The following WASF1 variants were observed in gnomAD, a reference collection of about 807,000 sequenced individuals.
WASF1 encodes the protein actin-binding protein WASF1.
WASF1 carries 7 observed loss-of-function variants against 50.5 expected under a neutral mutation model. The ratio of observed to expected loss-of-function variants is 0.14; its 90% CI spans 0.08 to 0.26. The LOEUF is 0.26. Among genes scored for constraint, WASF1 ranks in the 10% least tolerant of loss-of-function variants. The pLI is 1.00. For missense variants in WASF1, 470 were observed against 694.7 expected (o/e 0.68, Z 3.64); for synonymous variants, 205 against 244.0 (o/e 0.84, Z 1.49).
intron 2 of WASF1, among the ~76,000 whole-genome samples, chr6:110,172,306 G>A (rs1776755270): frequency 6.6e-6 from 1 of 152,082 alleles, no homozygotes. Context: ...ATGACAGACT[G>A]GATTAAGCAA....
At chr6:110,133,205 C>T (rs1001468422) in intron 3 of WASF1, among the ~76,000 whole-genome samples, 2 of 152,034 alleles carry the variant, frequency 1.3e-5, no homozygotes, top group Non-Finnish European at 2.9e-5. Flanking sequence ...TATATACATA[C>T]TACATACATC....
rs568655940 is a variant in WASF1 at position 110,110,895 on chromosome 6, A to G, written c.269-2214T>C. 1.1e-4 allele frequency among the ~76,000 whole-genome samples: 16 copies of G among 152,196 alleles called. No homozygotes were observed. In the East Asian group the frequency reaches 2.9e-3, roughly 28 times the overall value. ...AAACTCCTTCAATACAACCTCTCCA[A>G]AACAATTTCAAATTAAGTAGTTCAG... On this transcript the variant is annotated intron_variant, in intron 5 of 10. Transcript: ENST00000392589.
intron 3 of WASF1, among the ~76,000 whole-genome samples, 179 bp from the exon 4 acceptor site, chr6:110,127,808 C>G (rs1371225071): frequency 6.6e-6 from 1 of 152,094 alleles, no homozygotes; most frequent in Non-Finnish European, 1.5e-5. Context: ...GCAGGACAAA[C>G]CCCTCCTCTT....
intron 3 of WASF1, among the ~76,000 whole-genome samples, chr6:110,149,752 G>A (rs985433218): frequency 6.6e-6 from 1 of 151,884 alleles, no homozygotes; most frequent in East Asian, 1.9e-4. Flanking sequence ...AAGTTTCTGG[G>A]GTACATGGAT....
At chr6:110,163,374 C>T (rs76901309) in intron 2 of WASF1, among the ~76,000 whole-genome samples, 4,842 of 151,558 alleles carry the variant, frequency 0.032, 143 homozygotes, top group South Asian at 0.12. Flanking sequence ...AACTAAGGTG[C>T]TAGCATGGTC....
chr6:110,125,534 A>C (rs759379665), intron 4 of WASF1, among the ~76,000 whole-genome samples: 27 of 152,166 alleles, frequency 1.8e-4, no homozygotes, highest in Non-Finnish European at 3.4e-4. Context: ...GAGAGGGATC[A>C]ATTGGTTATT....
intron 3 of WASF1, among the ~76,000 whole-genome samples, chr6:110,136,890 C>G (rs1774992872): frequency 6.6e-6 from 1 of 152,164 alleles, no homozygotes; most frequent in Non-Finnish European, 1.5e-5. Context: ...ATTCCCTGAT[C>G]CCCCAGTCTC....
intron 2 of WASF1, among the ~76,000 whole-genome samples, chr6:110,167,722 C>T (rs542732646): frequency 1.3e-4 from 19 of 151,834 alleles, no homozygotes; most frequent in Admixed American, 5.9e-4. Flanking sequence ...TACTAATATT[C>T]GGTGAGGCAG....
intron 3 of WASF1, among the ~76,000 whole-genome samples, chr6:110,149,206 C>T (rs1475688719): frequency 6.6e-6 from 1 of 151,780 alleles, no homozygotes; most frequent in Non-Finnish European, 1.5e-5. Context: ...CTTTTTTTCC[C>T]CCTTTCATTT....
At chr6:110,145,237 C>T (rs1487486273) in intron 3 of WASF1, among the ~76,000 whole-genome samples, 2 of 152,120 alleles carry the variant, frequency 1.3e-5, no homozygotes, top group Admixed American at 6.5e-5. Flanking sequence ...AATGGGAGTT[C>T]AGTCATGATT....
rs780599034 is a variant in WASF1 at position 110,102,199 on chromosome 6, A to G, written c.911T>C (p.Ile304Thr). ...PTCISSATGLIENRPQSPATG... is the reference protein window; with the variant it reads ...PTCISSATGLTENRPQSPATG... ...AGCTGGTGACTGAGGGCGATTTTCT[A>G]TCAAACCTGTAGCAGAACTGAAATG... The change falls in exon 10 of 11, where the codon ATA becomes ACA. Residue 304 changes from isoleucine (I) to threonine (T), a missense_variant. By Grantham distance (89) the Ile-to-Thr change is moderately conservative. Transcript: ENST00000392589. 1 of 1,417,312 alleles carries G rather than the reference A, an allele frequency of 7.1e-7. No individual in the cohort carries two copies. The highest frequency in any genetic ancestry group is 1.4e-5 in the African/African-American group (1 of 69,020). 87.8% of individuals were successfully genotyped at this position (1,417,312 alleles called of 1,614,324 possible).
Position 110,100,427 on chromosome 6 carries a change from A to C in WASF1, c.*95T>G. 1 of 1,214,740 alleles carries C rather than the reference A, an allele frequency of 8.2e-7. No homozygotes were observed. The highest frequency in any genetic ancestry group is 1.1e-6 in the Non-Finnish European group (1 of 917,352). 75.2% of individuals were successfully genotyped at this position (1,214,740 alleles called of 1,614,324 possible). On this transcript the variant is annotated 3_prime_UTR_variant, in exon 11 of 11. Coordinates refer to ENST00000392589, the MANE Select transcript of WASF1 (RefSeq NM_003931.3). Reference sequence around the variant, plus strand: ...AAGGGTCATTTATTATAAGGAAAAGAAAGCAAAACACTAGAATGACCAAAC... The same window carrying C: ...AAGGGTCATTTATTATAAGGAAAAGCAAGCAAAACACTAGAATGACCAAAC...
intron 4 of WASF1, among the ~76,000 whole-genome samples, chr6:110,115,108 GAA>G (rs879806641): frequency 5.7e-5 from 4 of 70,624 alleles, no homozygotes; most frequent in Non-Finnish European, 1.2e-4. Flanking sequence ...CTCTCTCAAA[GAA>G]AAAAAAAAAA....
chr6:110,151,923 T>C (rs1029840395), intron 3 of WASF1, among the ~76,000 whole-genome samples: 2 of 152,200 alleles, frequency 1.3e-5, no homozygotes, highest in South Asian at 2.1e-4. Context: ...TATGCACATA[T>C]TATTATATAT....
chr6:110,104,844 G>A (rs1052754297), intron 8 of WASF1, among the ~76,000 whole-genome samples: 5 of 152,156 alleles, frequency 3.3e-5, no homozygotes, highest in African/African-American at 1.2e-4. Context: ...GTAGACAGAT[G>A]CCAGTTTAAT....
At chr6:110,177,980 C>A (rs181213092) in intron 2 of WASF1, among the ~76,000 whole-genome samples, 2 of 148,208 alleles carry the variant, frequency 1.3e-5, no homozygotes, top group Admixed American at 6.7e-5. Context: ...AGGTAGATCA[C>A]GCAAAACTGA....
intron 2 of WASF1, among the ~76,000 whole-genome samples, chr6:110,172,857 G>A (rs573963981): frequency 6.6e-6 from 1 of 152,174 alleles, no homozygotes; most frequent in Non-Finnish European, 1.5e-5. Flanking sequence ...TAAAAAGCCA[G>A]GCTTTGCCAC....
At chr6:110,114,721 G>A (rs888999619) in intron 4 of WASF1, among the ~76,000 whole-genome samples, 50 of 151,574 alleles carry the variant, frequency 3.3e-4, no homozygotes, top group African/African-American at 1.1e-3. Context: ...AGAAGCTGCA[G>A]CTTTTGTCAG....
intron 3 of WASF1, among the ~76,000 whole-genome samples, chr6:110,138,418 A>T (rs1287562097): frequency 6.6e-6 from 1 of 152,216 alleles, no homozygotes; most frequent in Admixed American, 6.5e-5. Context: ...GTGGCAAGTG[A>T]GGATCATGTT....
Sources: gnomAD v4.1 joint callset for allele counts (sites outside exome capture counted in the v4.1 genomes callset) on GRCh38, gnomAD v4.1.1 for gene constraint, MANE v1.5 for transcripts, NCBI Gene and HGNC (gene_info 2026-07-23, HGNC 2026-07-21) for gene names.